STAU2: variants seen among roughly 807,000 people sequenced by gnomAD.
STAU2 encodes staufen double-stranded RNA binding protein 2, also known as double-stranded RNA-binding protein Staufen homolog 2.
A neutral mutation model predicts 65.9 loss-of-function variants in STAU2; 20 were observed. The ratio of observed to expected loss-of-function variants is 0.30; its 90% CI spans 0.21 to 0.44. The LOEUF is 0.44. Among genes scored for constraint, STAU2 ranks in the 20% least tolerant of loss-of-function variants. The probability of loss-of-function intolerance (pLI) is 1.00; values close to 1 mark genes in which losing one functional copy is unlikely to be tolerated. For synonymous variants in STAU2, 232 were observed against 233.9 expected (o/e 0.99, Z 0.07); for missense variants, 558 against 683.9 (o/e 0.82, Z 2.05).
At chr8:73,687,011 A>G (rs1322964363) in intron 5 of STAU2, among the ~76,000 whole-genome samples, 1 of 148,780 alleles carries the variant, frequency 6.7e-6, no homozygotes, top group African/African-American at 2.5e-5. Flanking sequence ...TCCTGCCTCA[A>G]CCTCCTAAGT....
intron 6 of STAU2, among the ~76,000 whole-genome samples, chr8:73,667,073 ACTAG>A (rs765551347): frequency 3.3e-5 from 5 of 152,200 alleles, no homozygotes; most frequent in Non-Finnish European, 5.9e-5. Flanking sequence ...GAACAGTATT[ACTAG>A]CCATCCAAAT....
chr8:73,513,722 G>A (rs1011496320), intron 13 of STAU2, among the ~76,000 whole-genome samples: 3 of 152,170 alleles, frequency 2.0e-5, no homozygotes, highest in South Asian at 2.1e-4. Context: ...GGTTCACTGA[G>A]TTGCTAGCTA....
chr8:73,668,412 C>T (rs1046496925), intron 6 of STAU2, among the ~76,000 whole-genome samples: 1 of 152,186 alleles, frequency 6.6e-6, no homozygotes, highest in Non-Finnish European at 1.5e-5. Flanking sequence ...TGGAAATCTA[C>T]ACCAGCAGAT....
intron 13 of STAU2, among the ~76,000 whole-genome samples, chr8:73,473,622 T>C (rs574745307): frequency 1.3e-5 from 2 of 152,206 alleles, no homozygotes; most frequent in East Asian, 1.9e-4. Context: ...AGTGTTGTCT[T>C]GTGATCTGAA....
chr8:73,487,011 A>C (rs946964840), intron 13 of STAU2, among the ~76,000 whole-genome samples: 1 of 152,092 alleles, frequency 6.6e-6, no homozygotes, highest in South Asian at 2.1e-4. Context: ...TCTTTTTATA[A>C]TGGCAACAGA....
At chr8:73,634,737 G>C (rs139659987) in intron 6 of STAU2, among the ~76,000 whole-genome samples, 3 of 151,952 alleles carry the variant, frequency 2.0e-5, no homozygotes, top group African/African-American at 7.3e-5. Flanking sequence ...CCACGTTAGG[G>C]CCTTTACAAT....
intron 13 of STAU2, among the ~76,000 whole-genome samples, chr8:73,519,985 G>A (rs1822955134): frequency 1.3e-5 from 2 of 152,210 alleles, no homozygotes; most frequent in South Asian, 4.1e-4. Context: ...CCTATTGACT[G>A]GAGTGACATC....
At chr8:73,614,268 C>T (rs564044544) in intron 8 of STAU2, among the ~76,000 whole-genome samples, 11 of 152,108 alleles carry the variant, frequency 7.2e-5, no homozygotes, top group African/African-American at 1.9e-4. Flanking sequence ...ATCAAAGATA[C>T]CATTAGATTA....
intron 6 of STAU2, among the ~76,000 whole-genome samples, chr8:73,635,547 C>G (rs1198364418): frequency 6.6e-6 from 1 of 152,080 alleles, no homozygotes; most frequent in Non-Finnish European, 1.5e-5. Flanking sequence ...AAATCTGAGG[C>G]CGAGGGCGGT....
At chr8:73,645,571 G>A (rs1185327188) in intron 6 of STAU2, among the ~76,000 whole-genome samples, 1 of 152,212 alleles carries the variant, frequency 6.6e-6, no homozygotes, top group Admixed American at 6.5e-5. Context: ...CACAGTGCTT[G>A]AAGATCTAGC....
intron 4 of STAU2, among the ~76,000 whole-genome samples, chr8:73,699,877 A>C (rs1819965658): frequency 6.6e-6 from 1 of 151,690 alleles, no homozygotes; most frequent in Non-Finnish European, 1.5e-5. Flanking sequence ...AAAAAAAAAA[A>C]AACCTACAGA....
At position 73,603,752 on chromosome 8, in the gene STAU2, G is replaced by A; in HGVS notation, c.1003C>T (p.Pro335Ser). ...TGCATCACAAATTCTCGACGTCGAG[G>A]CATTCCTCTTTCTGAAAGCAAAACA... ...DYVLLSERGM[P>S]RRREFVMQVK... The change falls in exon 10 of 15, where the codon CCT becomes TCT. Residue 335 changes from proline to serine, a missense_variant. By Grantham distance (74) the Pro-to-Ser change is moderately conservative (BLOSUM62 -1). Around this residue, in one of 3 missense-constraint regions of STAU2, gnomAD observed 199 missense variants for 299.5 expected, o/e 0.66. Transcript: ENST00000524300. 4 of 1,611,172 alleles carry A rather than the reference G, an allele frequency of 2.5e-6. No individual in the cohort carries two copies. The highest frequency in any genetic ancestry group is 3.4e-6 in the Non-Finnish European group (4 of 1,179,640).
At chr8:73,619,228 A>G (rs1422206631) in intron 6 of STAU2, among the ~76,000 whole-genome samples, 1 of 152,170 alleles carries the variant, frequency 6.6e-6, no homozygotes, top group Non-Finnish European at 1.5e-5. Flanking sequence ...AAAAAAGTCT[A>G]TCAAGGAGAA....
chr8:73,654,944 C>A (rs1033275926), intron 6 of STAU2, among the ~76,000 whole-genome samples: 3 of 152,084 alleles, frequency 2.0e-5, no homozygotes, highest in Non-Finnish European at 4.4e-5. Context: ...CTCGGCCTCC[C>A]AAAGTGATGG....
chr8:73,449,957 T>C (rs931272617), intron 13 of STAU2, among the ~76,000 whole-genome samples: 5 of 152,164 alleles, frequency 3.3e-5, no homozygotes, highest in Non-Finnish European at 7.3e-5. Flanking sequence ...CCACCAGGGC[T>C]ACAGGGAGGG....
chr8:73,583,638 T>C (rs984042761), intron 11 of STAU2, among the ~76,000 whole-genome samples: 1 of 151,584 alleles, frequency 6.6e-6, no homozygotes, highest in African/African-American at 2.4e-5. Context: ...TATAATGACA[T>C]ATACAAAAAA....
chr8:73,684,371 A>G (rs1818645913), intron 5 of STAU2, among the ~76,000 whole-genome samples: 1 of 152,170 alleles, frequency 6.6e-6, no homozygotes, highest in South Asian at 2.1e-4. Context: ...AGGACATCCT[A>G]TTCAACAAAT....
intron 3 of STAU2, among the ~76,000 whole-genome samples, chr8:73,723,682 G>A (rs139147448): frequency 1.3e-5 from 2 of 152,178 alleles, no homozygotes; most frequent in East Asian, 3.9e-4. Context: ...TTTCATCTCA[G>A]TTGTAGTTTT....
At chr8:73,548,545 A>C (rs1357476376) in intron 13 of STAU2, among the ~76,000 whole-genome samples, 1 of 152,230 alleles carries the variant, frequency 6.6e-6, no homozygotes, top group Non-Finnish European at 1.5e-5. Context: ...TTCAGCGTGA[A>C]TTATATTTGA....
Sources: allele counts gnomAD v4.1 joint callset (sites outside exome capture counted in the v4.1 genomes callset), GRCh38; gene constraint gnomAD v4.1.1; regional missense constraint gnomAD v4.1.1; transcripts MANE v1.5; gene names NCBI Gene and HGNC (gene_info 2026-07-23, HGNC 2026-07-21).